The following FGF13 variants were observed in gnomAD, a reference collection of about 807,000 sequenced individuals.
The protein encoded by FGF13 is fibroblast growth factor 13.
Under a neutral mutation model 19.5 loss-of-function variants are expected in FGF13, and 2 were observed. The ratio of observed to expected loss-of-function variants is 0.10; its 90% CI spans 0.04 to 0.32. The LOEUF (loss-of-function observed/expected upper bound fraction) is 0.32. FGF13 is among the 10% of genes least tolerant of loss of function. FGF13 has a pLI of 1.00. For synonymous variants in FGF13, 72 were observed against 76.9 expected (o/e 0.94, Z 0.33); for missense variants, 113 against 192.7 (o/e 0.59, Z 2.45).
intron 3 of FGF13, among the ~76,000 whole-genome samples, chrX:138,656,730 A>C (rs1333307990): frequency 8.9e-6 from 1 of 112,232 alleles, no homozygotes; most frequent in Non-Finnish European, 1.9e-5. Context: ...GGTGGGTTAA[A>C]GTGTCAGAAA....
At chrX:138,737,354 T>G (rs945059746) in intron 1 of FGF13, among the ~76,000 whole-genome samples, 4 of 111,867 alleles carry the variant, frequency 3.6e-5, no homozygotes, top group Admixed American at 2.8e-4. Flanking sequence ...CCTGATTTCA[T>G]TTGCATTGCA....
chrX:139,044,559 C>T (rs2092280717), intron 1 of FGF13, among the ~76,000 whole-genome samples: 1 of 111,144 alleles, frequency 9.0e-6, no homozygotes, highest in Admixed American at 9.5e-5. Flanking sequence ...TATATCATTC[C>T]ACCACTGGCC....
At chrX:138,950,395 TATG>T (rs1445726792) in intron 1 of FGF13, among the ~76,000 whole-genome samples, 1 of 112,386 alleles carries the variant, frequency 8.9e-6, no homozygotes, top group Non-Finnish European at 1.9e-5. Flanking sequence ...TTTGAGTGCC[TATG>T]ATGTTAGCTA....
intron 3 of FGF13, among the ~76,000 whole-genome samples, chrX:138,675,983 G>C (rs1365632692): frequency 9.0e-6 from 1 of 111,698 alleles, no homozygotes; most frequent in Non-Finnish European, 1.9e-5. Flanking sequence ...TTTTGTTGCT[G>C]TTATACCCTC....
chrX:139,106,025 T>C (rs2083557575), intron 1 of FGF13, among the ~76,000 whole-genome samples: 1 of 112,381 alleles, frequency 8.9e-6, no homozygotes, highest in African/African-American at 3.2e-5. Context: ...TTGACTTCTG[T>C]TGGCAATAGC....
At chrX:139,099,355 A>G (rs1428993231) in intron 1 of FGF13, among the ~76,000 whole-genome samples, 1 of 95,593 alleles carries the variant, frequency 1.0e-5, no homozygotes, top group East Asian at 3.8e-4. Context: ...TGCAGAGAAT[A>G]GTGGTGAAGA....
At position 138,886,258 on chromosome X, in the gene FGF13, C is replaced by T. The variant is rs759242427; in HGVS notation, c.-112-21608G>A. Among the ~76,000 whole-genome samples the T allele has an allele frequency of 5.4e-5, 6 of 112,074 alleles. No homozygotes were observed. In the East Asian group the frequency reaches 1.7e-3, roughly 31 times the overall value. On this transcript the variant is annotated intron_variant, in intron 1 of 2. Coordinates refer to the FGF13 transcript ENST00000421460. ...CTACCCCCACCCCAATGAGCTGCAT[C>T]TGAACAGAAATCCAAGTAGCTTTTA...
chrX:138,986,333 C>A (rs2124341830), intron 1 of FGF13, among the ~76,000 whole-genome samples: 1 of 111,777 alleles, frequency 8.9e-6, no homozygotes, highest in South Asian at 3.8e-4. Context: ...ATCACAATTT[C>A]TTTCATTTTG....
intron 3 of FGF13, among the ~76,000 whole-genome samples, chrX:138,786,123 C>A (rs761308230): frequency 8.9e-6 from 1 of 112,189 alleles, no homozygotes; most frequent in Admixed American, 9.5e-5. Flanking sequence ...GCTTCGTTAA[C>A]TTTGTAGCAT....
intron 3 of FGF13, among the ~76,000 whole-genome samples, chrX:138,773,646 A>T (rs776907777): frequency 8.9e-6 from 1 of 112,231 alleles, no homozygotes; most frequent in South Asian, 3.7e-4. Flanking sequence ...ATAGCAGTTA[A>T]TTTTACAGTT....
intron 1 of FGF13, among the ~76,000 whole-genome samples, chrX:139,171,415 C>T (rs2084131757): frequency 8.9e-6 from 1 of 111,812 alleles, no homozygotes; most frequent in Non-Finnish European, 1.9e-5. Context: ...GAAACAAGTG[C>T]AAGAGAACAG....
chrX:139,048,846 C>T (rs2092295893), intron 1 of FGF13, among the ~76,000 whole-genome samples: 1 of 110,858 alleles, frequency 9.0e-6, no homozygotes, highest in South Asian at 3.8e-4. Context: ...TATAGTGGTA[C>T]TGTATGCAAA....
chrX:139,033,774 T>C (rs1243942665), intron 1 of FGF13, among the ~76,000 whole-genome samples: 1 of 112,049 alleles, frequency 8.9e-6, no homozygotes, highest in Non-Finnish European at 1.9e-5. Context: ...CTTTGAAGCA[T>C]TGAAATAGGC....
rs1425564964 is a variant in FGF13, at chrX:139,164,194, C to T, written c.-113+39222G>A. Reference sequence around the variant, plus strand: ...TATGTATACATGTGACATGCTGGTGCGCTGCACCCACTAATTCGTCATCTA... The same window carrying T: ...TATGTATACATGTGACATGCTGGTGTGCTGCACCCACTAATTCGTCATCTA... On this transcript the variant is annotated intron_variant, in intron 1 of 2. Coordinates refer to the FGF13 transcript ENST00000421460. Among the ~76,000 whole-genome samples the T allele has an allele frequency of 4.6e-5, 5 of 108,497 alleles. No homozygotes were observed. The Middle Eastern group carries it at 0.015, about 316-fold the overall frequency. The allele number at this position is 108,497 out of a possible 115,157, so 94.2% of individuals were successfully genotyped here.
intron 3 of FGF13, among the ~76,000 whole-genome samples, chrX:138,813,499 T>C (rs2090941213): frequency 8.9e-6 from 1 of 112,083 alleles, no homozygotes; most frequent in African/African-American, 3.2e-5. Flanking sequence ...CTTGTTTTAC[T>C]TTTCTGCTGC....
intron 1 of FGF13, among the ~76,000 whole-genome samples, chrX:138,904,780 T>C (rs966667876): frequency 9.0e-6 from 1 of 111,376 alleles, no homozygotes; most frequent in Admixed American, 9.6e-5. Context: ...AAAAGGGACA[T>C]GCGCGCTCCA....
chrX:139,056,544 A>T (rs771275917), intron 1 of FGF13, among the ~76,000 whole-genome samples: 2 of 112,710 alleles, frequency 1.8e-5, no homozygotes, highest in East Asian at 5.6e-4. Context: ...TTTCAACTCG[A>T]AAGACTGTGC....
chrX:138,945,694 G>T (rs2091778758), intron 1 of FGF13, among the ~76,000 whole-genome samples: 1 of 110,486 alleles, frequency 9.1e-6, no homozygotes, highest in Non-Finnish European at 1.9e-5. Context: ...CGATTCAGTG[G>T]ATTAGAGACA....
intron 3 of FGF13, among the ~76,000 whole-genome samples, chrX:138,843,838 A>G (rs1602946649): frequency 8.9e-6 from 1 of 112,005 alleles, no homozygotes; most frequent in African/African-American, 3.2e-5. Flanking sequence ...CCTTGAGGCT[A>G]CTAAGGAAGT....
Sources: gnomAD v4.1 joint callset for allele counts (sites outside exome capture counted in the v4.1 genomes callset) on GRCh38, gnomAD v4.1.1 for gene constraint, MANE v1.5 for transcripts, NCBI Gene and HGNC (gene_info 2026-07-23, HGNC 2026-07-21) for gene names.